Variants in MYOCD observed in about 807,000 individuals in gnomAD.
The protein encoded by MYOCD is myocardin.
Under a neutral mutation model 96.1 loss-of-function variants are expected in MYOCD, and 32 were observed. The observed-to-expected ratio is 0.33, with a 90% CI of 0.25 to 0.45. MYOCD has a LOEUF of 0.45. MYOCD is among the 20% of genes least tolerant of loss of function. The pLI is 1.00. For synonymous variants in MYOCD, 469 were observed against 469.0 expected (o/e 1.00, Z 0.00); for missense variants, 1,133 against 1,200.6 (o/e 0.94, Z 0.83).
chr17:12,744,498 A>G, intron 8 of MYOCD, 62 bp downstream of exon 8: 1 of 1,531,682 alleles, frequency 6.5e-7, no homozygotes, highest in South Asian at 1.2e-5. Context: ...GTCTATTAAT[A>G]TCTATCTGCC....
chr17:12,718,706 G>T (rs185221710), intron 4 of MYOCD, among the ~76,000 whole-genome samples: 3 of 152,110 alleles, frequency 2.0e-5, no homozygotes, highest in Non-Finnish European at 4.4e-5. Context: ...TTTGATCTGC[G>T]TGAGGCAGCC....
In MYOCD at chr17:12,746,716, A is replaced by G. The variant is rs1216561589; in HGVS notation, c.1125+644A>G. Among the ~76,000 whole-genome samples, 5 of 138,982 alleles carry G rather than the reference A, an allele frequency of 3.6e-5. No individual in the cohort carries two copies. In the Admixed American group the frequency reaches 3.8e-4, roughly 11 times the overall value. The allele number at this position is 138,982 out of a possible 152,430, so 91.2% of individuals were successfully genotyped here. The stretch of plus-strand genomic sequence containing the variant: ...TAGGTATAAGGAGATGATGATGATG[A>G]TGGTGCCTACCTTTTTTTTTTTTTT... On this transcript the variant is annotated intron_variant, in intron 9 of 13. Coordinates refer to ENST00000425538, the MANE Select transcript of MYOCD (RefSeq NM_001146312.3).
rs1555535143 is a variant in MYOCD at position 12,749,715 on chromosome 17, A to ATATACATATATGTATATATATGTG, written c.1126-2696_1126-2695insACATATATGTATATATATGTGTAT. Among the ~76,000 whole-genome samples, 579 of 148,340 alleles carry ATATACATATATGTATATATATGTG rather than the reference A, an allele frequency of 3.9e-3. 6 individuals carry two copies. Among genetic ancestry groups the ATATACATATATGTATATATATGTG allele is most frequent in the African/African-American group, 0.013 (541 of 40,450 alleles). On this transcript the variant is annotated intron_variant, in intron 9 of 13. Transcript: ENST00000425538. The stretch of plus-strand genomic sequence containing the variant: ...TATATATGTATACATATGTGTATAT[A>ATATACATATATGTATATATATGTG]TATGTGTGTGTGTATATATATATAT...
In MYOCD at chr17:12,763,525, T is replaced by A; in HGVS notation, c.2842T>A (p.Ser948Thr). Residue 948 changes from serine to threonine, a missense_variant, in exon 14 of 14, where the codon TCC becomes ACC. Transcript: ENST00000425538. Reference sequence around the variant, plus strand: ...GTGGCTGGACCTCACTCCGCCAAATTCCACACCAGGCTTTAGCGCCCTCAC... The same window carrying A: ...GTGGCTGGACCTCACTCCGCCAAATACCACACCAGGCTTTAGCGCCCTCAC... The part of the protein sequence containing the change: ...MEWLDLTPPN[S>T]TPGFSALTTS... 1 of 1,614,172 alleles carries A rather than the reference T, an allele frequency of 6.2e-7. No homozygotes were observed. Among genetic ancestry groups the A allele is most frequent in the Non-Finnish European group, 8.5e-7 (1 of 1,180,014 alleles).
At chr17:12,672,666 T>C (rs1597719953) in intron 1 of MYOCD, among the ~76,000 whole-genome samples, 1 of 152,358 alleles carries the variant, frequency 6.6e-6, no homozygotes, top group South Asian at 2.1e-4. Flanking sequence ...AGTTCTTTCT[T>C]TTCACTATTG....
chr17:12,742,780 C>T (rs1252874799), intron 7 of MYOCD, among the ~76,000 whole-genome samples: 8 of 152,046 alleles, frequency 5.3e-5, no homozygotes, highest in African/African-American at 1.9e-4. Context: ...CCATGTTGGC[C>T]AGGCTGGTCT....
intron 9 of MYOCD, among the ~76,000 whole-genome samples, chr17:12,746,637 C>G (rs1240145554): frequency 6.6e-6 from 1 of 151,840 alleles, no homozygotes; most frequent in African/African-American, 2.4e-5. Flanking sequence ...AGGTGGATCC[C>G]TCTAGATACA....
chr17:12,704,677 A>C (rs2031216598), intron 1 of MYOCD, among the ~76,000 whole-genome samples: 1 of 152,196 alleles, frequency 6.6e-6, no homozygotes, highest in African/African-American at 2.4e-5. Context: ...TTTTATTTAC[A>C]AACGAGGAAA....
chr17:12,744,150 A>ATCT, intron 7 of MYOCD, 33 bp from the exon 8 acceptor site: 1 of 1,608,802 alleles, frequency 6.2e-7, no homozygotes, highest in Non-Finnish European at 8.5e-7. Flanking sequence ...GCCATCACCT[A>ATCT]AAGCACATGC....
chr17:12,757,315 G>A (rs1242065817), intron 11 of MYOCD, among the ~76,000 whole-genome samples: 1 of 152,084 alleles, frequency 6.6e-6, no homozygotes, highest in Non-Finnish European at 1.5e-5. Context: ...ACCACAAGTC[G>A]GAAGGGGCAG....
rs1366521031 is a variant in MYOCD, at chr17:12,766,454, C to G, written c.*2810C>G. 6.6e-6 allele frequency: 1 copy of G among 152,198 alleles called. No individual in the cohort carries two copies. Among genetic ancestry groups the G allele is most frequent in the Admixed American group, 6.5e-5 (1 of 15,284 alleles). 9.4% of individuals were successfully genotyped at this position (152,198 alleles called of 1,614,324 possible). A position where few individuals can be genotyped will look rare whatever the true frequency, so the allele number is the denominator to read the frequency against. On this transcript the variant is annotated 3_prime_UTR_variant, in exon 14 of 14. Coordinates refer to ENST00000425538, the MANE Select transcript of MYOCD (RefSeq NM_001146312.3). ...CTGGATAACTGCTCTCAACCTGCTT[C>G]TACAGTCTCCACAAACCGCATTCAC...
At chr17:12,689,382 A>G (rs1006183501) in intron 1 of MYOCD, among the ~76,000 whole-genome samples, 1 of 152,242 alleles carries the variant, frequency 6.6e-6, no homozygotes, top group African/African-American at 2.4e-5. Context: ...TTTGTCAGAT[A>G]TAAACCTAGT....
At chr17:12,720,658 G>T (rs1028840914) in intron 4 of MYOCD, among the ~76,000 whole-genome samples, 1 of 152,108 alleles carries the variant, frequency 6.6e-6, no homozygotes, top group Non-Finnish European at 1.5e-5. Context: ...TTCATAGTCA[G>T]ATTCTGGGAA....
chr17:12,675,138 TATACTC>T (rs2150631264), intron 1 of MYOCD, among the ~76,000 whole-genome samples: 1 of 152,294 alleles, frequency 6.6e-6, no homozygotes, highest in South Asian at 2.1e-4. Flanking sequence ...GCATATGAAA[TATACTC>T]AACTCACTAG....
rs1458229265 is a variant in MYOCD, at chr17:12,766,643, T to G, written c.*2999T>G. 6.6e-6 allele frequency: 1 copy of G among 152,228 alleles called. No individual in the cohort carries two copies. The highest frequency in any genetic ancestry group is 1.9e-4 in the East Asian group (1 of 5,194). 9.4% of individuals were successfully genotyped at this position (152,228 alleles called of 1,614,324 possible). On this transcript the variant is annotated 3_prime_UTR_variant, in exon 14 of 14. Transcript: ENST00000425538. Reference sequence around the variant, plus strand: ...CTTTTAAACTCTTCGTTGTGTCTTTTGTGATGACAAATCAGGCATGACTAA... The same window carrying G: ...CTTTTAAACTCTTCGTTGTGTCTTTGGTGATGACAAATCAGGCATGACTAA...
chr17:12,759,840 A>G (rs974824000), intron 12 of MYOCD, among the ~76,000 whole-genome samples: 40 of 152,206 alleles, frequency 2.6e-4, no homozygotes, highest in Non-Finnish European at 7.3e-5. Context: ...GCGTAAAAAG[A>G]CATTTTCTAT....
chr17:12,739,368 G>A (rs752468057), intron 7 of MYOCD, 40 bp downstream of exon 7: 84 of 1,501,346 alleles, frequency 5.6e-5, no homozygotes, highest in Middle Eastern at 1.8e-4. Context: ...CTGAGCGCTC[G>A]GCTCACAGAG....
Position 12,763,067 on chromosome 17 carries a change from C to T in MYOCD, c.2390-6C>T. 1.9e-6 allele frequency: 3 copies of T among 1,600,202 alleles called. No homozygotes were observed. Among genetic ancestry groups the T allele is most frequent in the Non-Finnish European group, 2.6e-6 (3 of 1,174,082 alleles). On this transcript the variant is annotated splice_polypyrimidine_tract_variant and splice_region_variant and intron_variant, in intron 13 of 13. Coordinates refer to ENST00000425538, the MANE Select transcript of MYOCD (RefSeq NM_001146312.3). Reference sequence around the variant, plus strand: ...TTTAACAAGTCACATCGTGTATTGCCCACAGAAATGCCAGCAGACGCTAGA... The same window carrying T: ...TTTAACAAGTCACATCGTGTATTGCTCACAGAAATGCCAGCAGACGCTAGA...
At chr17:12,717,306 A>G in intron 3 of MYOCD, 40 bp from the exon 4 acceptor site, 3 of 1,494,408 alleles carry the variant, frequency 2.0e-6, no homozygotes, top group South Asian at 2.4e-5. Flanking sequence ...AGTTTTTTAA[A>G]AGGTAAAACT....
Sources: gnomAD v4.1 joint callset for allele counts (sites outside exome capture counted in the v4.1 genomes callset) on GRCh38, gnomAD v4.1.1 for gene constraint, MANE v1.5 for transcripts, NCBI Gene and HGNC (gene_info 2026-07-23, HGNC 2026-07-21) for gene names.